Variants in SORCS3 observed in about 807,000 individuals in gnomAD.
SORCS3 encodes VPS10 domain-containing receptor SorCS3.
Under a neutral mutation model 146.3 loss-of-function variants are expected in SORCS3, and 57 were observed. That is an observed-to-expected ratio of 0.39 (90% confidence interval 0.31 to 0.49). The LOEUF (loss-of-function observed/expected upper bound fraction) is 0.49, where lower values mean the gene tolerates loss of function less well. Among genes scored for constraint, SORCS3 ranks in the 20% least tolerant of loss-of-function variants. SORCS3 has a pLI of 0.92. For synonymous variants in SORCS3, 653 were observed against 618.5 expected (o/e 1.06, Z -0.83); for missense variants, 1,341 against 1,575.5 (o/e 0.85, Z 2.52).
chr10:105,142,691 C>T (rs551230179), intron 8 of SORCS3, among the ~76,000 whole-genome samples: 2 of 152,126 alleles, frequency 1.3e-5, no homozygotes, highest in Non-Finnish European at 2.9e-5. Context: ...TTTTCACACC[C>T]AGTTATTTCT....
chr10:105,000,823 C>A (rs1023473688), intron 4 of SORCS3, among the ~76,000 whole-genome samples: 1 of 152,016 alleles, frequency 6.6e-6, no homozygotes, highest in Non-Finnish European at 1.5e-5. Flanking sequence ...CATTGTTTAC[C>A]ACATAAGGCA....
intron 1 of SORCS3, chr10:104,822,100 C>T (rs773604418): frequency 1.9e-6 from 1 of 518,476 alleles, no homozygotes; most frequent in Non-Finnish European, 3.9e-6. Context: ...TGACCAGCTC[C>T]TCTGTGATTC....
At chr10:105,050,441 G>A (rs1407058799) in intron 5 of SORCS3, among the ~76,000 whole-genome samples, 2 of 152,104 alleles carry the variant, frequency 1.3e-5, no homozygotes, top group African/African-American at 2.4e-5. Context: ...TCAAGGAATG[G>A]AGGGAGATCT....
chr10:104,661,713 A>G (rs1249218063), intron 1 of SORCS3, among the ~76,000 whole-genome samples: 1 of 152,240 alleles, frequency 6.6e-6, no homozygotes, highest in South Asian at 2.1e-4. Flanking sequence ...AGATAGATAG[A>G]TAGATACATA....
intron 1 of SORCS3, among the ~76,000 whole-genome samples, chr10:104,815,448 C>CA (rs5787549): frequency 0.58 from 46,412 of 79,450 alleles, 13,528 homozygotes; most frequent in East Asian, 0.79. Context: ...GACCCTGTCT[C>CA]AAAAAAAAAA....
At chr10:104,659,763 T>A (rs1006726765) in intron 1 of SORCS3, among the ~76,000 whole-genome samples, 1 of 152,186 alleles carries the variant, frequency 6.6e-6, no homozygotes, top group African/African-American at 2.4e-5. Flanking sequence ...TAGAAGATAC[T>A]CTAAAATGAG....
chr10:104,777,213 T>C (rs2017319797), intron 1 of SORCS3, among the ~76,000 whole-genome samples: 1 of 152,164 alleles, frequency 6.6e-6, no homozygotes, highest in Non-Finnish European at 1.5e-5. Flanking sequence ...TCCTGTTTAA[T>C]GTCATCATTT....
intron 1 of SORCS3, among the ~76,000 whole-genome samples, chr10:104,663,699 A>G (rs765650751): frequency 6.6e-6 from 1 of 152,184 alleles, no homozygotes; most frequent in Non-Finnish European, 1.5e-5. Flanking sequence ...CATTTATCCA[A>G]TTAGCCTCTT....
intron 3 of SORCS3, among the ~76,000 whole-genome samples, chr10:104,931,184 C>T (rs2019203768): frequency 6.6e-6 from 1 of 152,164 alleles, no homozygotes; most frequent in Non-Finnish European, 1.5e-5. Context: ...GGGGGAGTCC[C>T]TTATTCAAAG....
At chr10:104,858,534 C>T (rs1039571200) in intron 2 of SORCS3, among the ~76,000 whole-genome samples, 36 of 152,050 alleles carry the variant, frequency 2.4e-4, no homozygotes, top group African/African-American at 8.7e-4. Flanking sequence ...TTTTTCCATG[C>T]ATTTTAGAGT....
chr10:105,223,038 G>A, intron 19 of SORCS3, 78 bp from the exon 20 acceptor site: 3 of 1,417,418 alleles, frequency 2.1e-6, no homozygotes, highest in Non-Finnish European at 2.8e-6. Flanking sequence ...TAGAATTTAA[G>A]GTTAAGAATC....
intron 1 of SORCS3, among the ~76,000 whole-genome samples, chr10:104,726,218 C>T (rs560522384): frequency 1.6e-4 from 24 of 152,302 alleles, no homozygotes; most frequent in African/African-American, 3.1e-4. Context: ...CAAGAGCTCA[C>T]GGCATTGTGT....
chr10:105,254,452 TCTCA>T (rs1199933210), intron 23 of SORCS3, among the ~76,000 whole-genome samples: 1 of 152,182 alleles, frequency 6.6e-6, no homozygotes, highest in Non-Finnish European at 1.5e-5. Flanking sequence ...TCTTTCTGTC[TCTCA>T]CTCTCCTCTC....
At chr10:105,058,008 T>A (rs1184803688) in intron 5 of SORCS3, among the ~76,000 whole-genome samples, 3 of 152,182 alleles carry the variant, frequency 2.0e-5, no homozygotes, top group Non-Finnish European at 4.4e-5. Context: ...CCACCTCCTC[T>A]CATCTCCCCG....
chr10:104,922,909 T>A (rs1273747169), intron 3 of SORCS3, among the ~76,000 whole-genome samples: 1 of 152,128 alleles, frequency 6.6e-6, no homozygotes, highest in Non-Finnish European at 1.5e-5. Flanking sequence ...ATAAACTAAG[T>A]CAAGTGTGGC....
intron 20 of SORCS3, among the ~76,000 whole-genome samples, chr10:105,226,617 T>C (rs2056735434): frequency 6.6e-6 from 1 of 152,050 alleles, no homozygotes; most frequent in Non-Finnish European, 1.5e-5. Context: ...TTTGGAATAC[T>C]TTGTGAAGAG....
Position 105,060,862 on chromosome 10 carries a change from G to A in SORCS3, c.1028+17734G>A, listed in dbSNP as rs1161584116. Reference sequence around the variant, plus strand: ...TGAGACAGGAGAATCCCTTCAACCCGGGAGGCGGAGGTTGTGGTGAGCTGA... The same window carrying A: ...TGAGACAGGAGAATCCCTTCAACCCAGGAGGCGGAGGTTGTGGTGAGCTGA... On this transcript the variant is annotated intron_variant, in intron 5 of 26. Transcript: ENST00000369701. Among the ~76,000 whole-genome samples the A allele has an allele frequency of 6.6e-5, 10 of 152,018 alleles. No individual in the cohort carries two copies. The East Asian group carries it at 1.4e-3, about 21-fold the overall frequency.
intron 4 of SORCS3, among the ~76,000 whole-genome samples, chr10:105,020,080 G>A (rs1208531220): frequency 6.6e-6 from 1 of 152,102 alleles, no homozygotes. Flanking sequence ...CTTAAACCAA[G>A]TGACGAAACC....
intron 1 of SORCS3, among the ~76,000 whole-genome samples, chr10:104,654,326 G>A (rs911377106): frequency 6.6e-6 from 1 of 152,154 alleles, no homozygotes; most frequent in African/African-American, 2.4e-5. Context: ...AACCAGCAGC[G>A]GGATTGCTGG....
Sources: gnomAD v4.1 joint callset for allele counts (sites outside exome capture counted in the v4.1 genomes callset) on GRCh38, gnomAD v4.1.1 for gene constraint, MANE v1.5 for transcripts, NCBI Gene and HGNC (gene_info 2026-07-23, HGNC 2026-07-21) for gene names.